SRPRA: variants seen among roughly 807,000 people sequenced by gnomAD.
SRPRA encodes SRP receptor subunit alpha, also known as signal recognition particle receptor subunit alpha.
A neutral mutation model predicts 61.1 loss-of-function variants in SRPRA; 30 were observed. The observed-to-expected ratio is 0.49, with a 90% CI of 0.37 to 0.67. SRPRA has a LOEUF of 0.67. Among genes scored for constraint, SRPRA ranks in the 30% least tolerant of loss-of-function variants. SRPRA has a pLI of 0.00. For synonymous variants in SRPRA, 324 were observed against 299.7 expected, an observed-to-expected ratio of 1.08 and a Z score of -0.84; for missense variants, 759 against 828.4, an observed-to-expected ratio of 0.92 and a Z score of 1.03.
In SRPRA at chr11:126,267,924, G is replaced by A; in HGVS notation, c.201+79C>T. The A allele has an allele frequency of 6.7e-7, 1 of 1,493,376 alleles. No individual in the cohort carries two copies. The highest frequency in any genetic ancestry group is 1.1e-5 in the South Asian group (1 of 87,788). The allele number at this position is 1,493,376 out of a possible 1,614,324, so 92.5% of individuals were successfully genotyped here. A position where few individuals can be genotyped will look rare whatever the true frequency, so the allele number is the denominator to read the frequency against. On this transcript the variant is annotated intron_variant, in intron 2 of 13. Coordinates refer to ENST00000332118, the MANE Select transcript of SRPRA (RefSeq NM_003139.4). This position sits in a 1 kb window ranked among gnomAD's most constrained non-coding sequence, Gnocchi z 4.2. ...TTTCAGTTACGTCATCATATACACTGGCTGCAATTAATCAGAGTTCTCTTA... is the reference window on the plus strand; with the variant it reads ...TTTCAGTTACGTCATCATATACACTAGCTGCAATTAATCAGAGTTCTCTTA...
downstream of SRPRA, chr11:126,260,419 T>G (rs2135225045): frequency 6.6e-6 from 1 of 151,946 alleles, no homozygotes; most frequent in East Asian, 1.9e-4. Context: ...TTTGGTCCTT[T>G]GAAAATTCAG....
At chr11:126,243,072 G>C in the SRPRA span, among the ~76,000 whole-genome samples, 1 of 152,168 alleles carries the variant, frequency 6.6e-6, no homozygotes, top group Non-Finnish European at 1.5e-5. Flanking sequence ...GATGAACCTT[G>C]AAAACATTAA....
At chr11:126,248,118 G>C in the SRPRA span, among the ~76,000 whole-genome samples, 8 of 149,352 alleles carry the variant, frequency 5.4e-5, 1 homozygote. Context: ...TGCACTCCAG[G>C]CTGGGCAACA....
Position 126,265,626 on chromosome 11 carries a change from T to C in SRPRA, c.1138+111A>G. The C allele has an allele frequency of 7.6e-7, 1 of 1,310,590 alleles. No homozygotes were observed. Among genetic ancestry groups the C allele is most frequent in the Non-Finnish European group, 1.1e-6 (1 of 928,054 alleles). The allele number at this position is 1,310,590 out of a possible 1,614,324, so 81.2% of individuals were successfully genotyped here. On this transcript the variant is annotated intron_variant, in intron 9 of 13. Coordinates refer to ENST00000332118, the MANE Select transcript of SRPRA (RefSeq NM_003139.4). The surrounding 1 kb of genome is among the most constrained non-coding windows in gnomAD (Gnocchi z 6.3). Reference sequence around the variant, plus strand: ...TCTCAATAACCCTTAAAATCTAGGTTACAGAGGTTTAGAGGTTAAGGAATT... The same window carrying C: ...TCTCAATAACCCTTAAAATCTAGGTCACAGAGGTTTAGAGGTTAAGGAATT...
chr11:126,267,069 TTGAG>T lies in SRPRA; in HGVS notation c.526+102_526+105del, dbSNP rs1950824259. On this transcript the variant is annotated intron_variant, in intron 4 of 13. Transcript: ENST00000332118. The surrounding 1 kb of genome is among the most constrained non-coding windows in gnomAD (Gnocchi z 4.2). Reference sequence around the variant, plus strand: ...CTGGGGATTATAGGATGGTGACCATTTGAGTGAGAAGCAGGTAAGCAATGACAAA... The same window carrying T: ...CTGGGGATTATAGGATGGTGACCATTTGAGAAGCAGGTAAGCAATGACAAA... The T allele has an allele frequency of 5.9e-6, 9 of 1,532,742 alleles. No homozygotes were observed. The Admixed American group carries it at 1.3e-4, about 23-fold the overall frequency. 94.9% of individuals were successfully genotyped at this position (1,532,742 alleles called of 1,614,324 possible).
chr11:126,263,779 G>A lies in SRPRA; in HGVS notation c.*137C>T. On this transcript the variant is annotated 3_prime_UTR_variant, in exon 14 of 14. Transcript: ENST00000332118. ...CTGTGCTGAACGGGGAGTGGGGTTG[G>A]AAGGAGCCACAAGCCCCCTCACTCT... 8.0e-7 allele frequency: 1 copy of A among 1,254,704 alleles called. No homozygotes were observed. The highest frequency in any genetic ancestry group is 2.3e-5 in the Admixed American group (1 of 43,920). 77.7% of individuals were successfully genotyped at this position (1,254,704 alleles called of 1,614,324 possible).
intron 6 of SRPRA, 21 bp from the exon 7 acceptor site, chr11:126,266,299 A>C: frequency 6.2e-7 from 1 of 1,612,866 alleles, no homozygotes; most frequent in Non-Finnish European, 8.5e-7. Flanking sequence ...CGGGGAAAGG[A>C]TGTGGGGTCA....
At chr11:126,256,145 C>T in the SRPRA span, among the ~76,000 whole-genome samples, 1 of 151,950 alleles carries the variant, frequency 6.6e-6, no homozygotes, top group Admixed American at 6.6e-5. The surrounding 1 kb of genome is among the most constrained non-coding windows in gnomAD (Gnocchi z 6.6). Flanking sequence ...GTGGTGCACA[C>T]TTGTAATATA....
chr11:126,251,137 C>T, the SRPRA span, among the ~76,000 whole-genome samples: 1 of 152,156 alleles, frequency 6.6e-6, no homozygotes, highest in Non-Finnish European at 1.5e-5. Context: ...AGAACAACTT[C>T]CAGGCCAAGC....
chr11:126,237,633 G>A, the SRPRA span, among the ~76,000 whole-genome samples: 7,062 of 136,884 alleles, frequency 0.052, 301 homozygotes, highest in East Asian at 0.17. Flanking sequence ...TCAGGAGATC[G>A]AGACCATCCT....
At position 126,268,821 on chromosome 11, in the gene SRPRA, G is replaced by C. The variant is rs767334689; in HGVS notation, c.-17C>G. 1 of 1,604,116 alleles carries C rather than the reference G, an allele frequency of 6.2e-7. No homozygotes were observed. The highest frequency in any genetic ancestry group is 1.1e-5 in the South Asian group (1 of 90,904). Reference sequence around the variant, plus strand: ...GTCGAGCATGGCGGCAGCGGCAGAGGAGCTGGGGCCGGCGCCGGGAATTCA... The same window carrying C: ...GTCGAGCATGGCGGCAGCGGCAGAGCAGCTGGGGCCGGCGCCGGGAATTCA... On this transcript the variant is annotated 5_prime_UTR_variant, in exon 1 of 14. Transcript: ENST00000332118.
downstream of SRPRA, chr11:126,261,441 A>T (rs1950696154): frequency 7.4e-6 from 12 of 1,613,960 alleles, no homozygotes; most frequent in East Asian, 8.9e-5. Flanking sequence ...TGGTGAGAGA[A>T]GGTCAGCTAA....
At chr11:126,254,186 C>A in the SRPRA span, 1 of 1,240,078 alleles carries the variant, frequency 8.1e-7, no homozygotes, top group Non-Finnish European at 1.1e-6. Context: ...TGTCCTATAT[C>A]ATGAAGCTAG....
the SRPRA span, among the ~76,000 whole-genome samples, chr11:126,257,538 A>T: frequency 6.6e-6 from 1 of 151,994 alleles, no homozygotes; most frequent in Non-Finnish European, 1.5e-5. Flanking sequence ...AGTTAGAGAC[A>T]TATGAGTAAA....
rs1445034605 is a variant in SRPRA, at chr11:126,267,422, G to T, written c.366-87C>A. ...GAGAAAGGACTCTCACACCCAAGAGGACAATGAGAACTGGGTAGCAAATTA... is the reference window on the plus strand; with the variant it reads ...GAGAAAGGACTCTCACACCCAAGAGTACAATGAGAACTGGGTAGCAAATTA... On this transcript the variant is annotated intron_variant, in intron 3 of 13. Transcript: ENST00000332118. The surrounding 1 kb of genome is among the most constrained non-coding windows in gnomAD (Gnocchi z 4.2). 3.8e-6 allele frequency: 6 copies of T among 1,589,710 alleles called. No homozygotes were observed. The African/African-American group carries it at 8.1e-5, about 22-fold the overall frequency.
chr11:126,247,290 CAA>C, the SRPRA span, among the ~76,000 whole-genome samples: 2 of 151,804 alleles, frequency 1.3e-5, no homozygotes, highest in Admixed American at 1.3e-4. Context: ...GACTTTCTCT[CAA>C]AAAAAGAGAC....
chr11:126,256,720 G>A, the SRPRA span: 1 of 1,614,158 alleles, frequency 6.2e-7, no homozygotes, highest in South Asian at 1.1e-5. The surrounding 1 kb of genome is among the most constrained non-coding windows in gnomAD (Gnocchi z 6.6). Context: ...AGGAGACGTA[G>A]ATGAGTTCAA....
the SRPRA span, among the ~76,000 whole-genome samples, chr11:126,247,899 AT>A: frequency 6.4e-4 from 93 of 146,356 alleles, no homozygotes; most frequent in East Asian, 0.018. Context: ...ATATATAGAT[AT>A]ACGTATATCT....
chr11:126,263,855 C>A lies in SRPRA; in HGVS notation c.*61G>T. ...TTGCTCACATACTCTAAAGCACATT[C>A]TTGATACAGGAAGAAGGGCTTGTGG... On this transcript the variant is annotated 3_prime_UTR_variant, in exon 14 of 14. Transcript: ENST00000332118. 6.2e-7 allele frequency: 1 copy of A among 1,600,244 alleles called. No homozygotes were observed. Among genetic ancestry groups the A allele is most frequent in the Non-Finnish European group, 8.5e-7 (1 of 1,174,048 alleles).
Sources: allele counts gnomAD v4.1 joint callset (sites outside exome capture counted in the v4.1 genomes callset), GRCh38; gene constraint gnomAD v4.1.1; non-coding constraint Gnocchi (gnomAD v3.1); transcripts MANE v1.5; gene names NCBI Gene and HGNC (gene_info 2026-07-23, HGNC 2026-07-21).